BTBD1: variants seen among roughly 807,000 people sequenced by gnomAD.
The protein encoded by BTBD1 is BTB domain containing 1, also known as BTB/POZ domain-containing protein 1.
Under a neutral mutation model 48.0 loss-of-function variants are expected in BTBD1, and 34 were observed. The ratio of observed to expected loss-of-function variants is 0.71; its 90% CI spans 0.54 to 0.94. BTBD1 has a LOEUF of 0.94. Ranked by LOEUF, BTBD1 falls within the 40% of genes least tolerant of loss-of-function variation. The pLI, the probability that BTBD1 is intolerant of heterozygous loss-of-function variation, is 0.00. For synonymous variants in BTBD1, 261 were observed against 242.1 expected (o/e 1.08, Z -0.72); for missense variants, 543 against 625.6 (o/e 0.87, Z 1.41).
At chr15:83,034,305 C>G (rs571793695) in intron 4 of BTBD1, among the ~76,000 whole-genome samples, 8 of 152,178 alleles carry the variant, frequency 5.3e-5, no homozygotes, top group Non-Finnish European at 1.0e-4. Context: ...AGAAACTATA[C>G]CAATATCAGA....
intron 3 of BTBD1, chr15:83,044,695 T>G (rs1328838408): frequency 9.4e-5 from 140 of 1,483,188 alleles, no homozygotes; most frequent in Non-Finnish European, 1.2e-4. Context: ...ACAAGAAAAC[T>G]GAAAGATGGG....
chr15:83,020,825 A>G, intron 5 of BTBD1, 63 bp from the exon 6 acceptor site: 1 of 1,091,046 alleles, frequency 9.2e-7, no homozygotes, highest in South Asian at 1.4e-5. Flanking sequence ...CTGAAGGGTT[A>G]TAATTTTTTT....
chr15:83,049,267 T>C (rs906573662), intron 3 of BTBD1, among the ~76,000 whole-genome samples: 4 of 152,070 alleles, frequency 2.6e-5, no homozygotes, highest in Non-Finnish European at 2.9e-5. Context: ...AGAACCTAAA[T>C]GCACATCTTT....
At chr15:83,032,863 TAAG>T in intron 4 of BTBD1, among the ~76,000 whole-genome samples, 1 of 147,950 alleles carries the variant, frequency 6.8e-6, no homozygotes, top group Admixed American at 6.9e-5. Flanking sequence ...TCCTAGCTAC[TAAG>T]GAGGCTGAGG....
intron 7 of BTBD1, 149 bp from the exon 8 acceptor site, chr15:83,018,374 T>C: frequency 1.4e-6 from 1 of 710,548 alleles, no homozygotes; most frequent in Non-Finnish European, 2.1e-6. Context: ...ATGAAGTTTT[T>C]ACCAAAAAAC....
chr15:83,059,625 C>A (rs1316657130), intron 1 of BTBD1, among the ~76,000 whole-genome samples: 1 of 152,202 alleles, frequency 6.6e-6, no homozygotes, highest in East Asian at 1.9e-4. Flanking sequence ...CATTGTCACT[C>A]CGGGTGGAGA....
At chr15:83,045,510 C>T (rs974436608) in intron 3 of BTBD1, among the ~76,000 whole-genome samples, 4 of 151,156 alleles carry the variant, frequency 2.6e-5, no homozygotes, top group African/African-American at 9.9e-5. Context: ...AAAAAACAAA[C>T]AAACAAACAA....
Position 83,039,186 on chromosome 15 carries a change from GA to G in BTBD1, c.862+2541del, listed in dbSNP as rs997410932. On this transcript the variant is annotated intron_variant, in intron 4 of 7. Transcript: ENST00000261721. ...ACAGGGAATTTTAACAATTCAATAA[GA>G]AAAAAAAAACTCATAAAAAGTGGGC... Among the ~76,000 whole-genome samples, 13 of 143,836 alleles carry G rather than the reference GA, an allele frequency of 9.0e-5. 1 individual carries two copies. The East Asian group carries it at 1.0e-3, about 11-fold the overall frequency. The allele number at this position is 143,836 out of a possible 152,430, so 94.4% of individuals were successfully genotyped here.
intron 4 of BTBD1, among the ~76,000 whole-genome samples, chr15:83,037,214 G>T (rs1252956368): frequency 6.6e-6 from 1 of 151,824 alleles, no homozygotes; most frequent in Non-Finnish European, 1.5e-5. Flanking sequence ...AACAACAAAA[G>T]ACATGAATAA....
chr15:83,020,672 T>C lies in BTBD1; in HGVS notation c.1143+3A>G. The C allele has an allele frequency of 6.4e-7, 1 of 1,562,850 alleles. No homozygotes were observed. The highest frequency in any genetic ancestry group is 2.2e-5 in the East Asian group (1 of 44,476). ...TGATATATGGTGGGGGAGGAAACTG[T>C]ACCTGTATATTCACTTGATAATCTG... On this transcript the variant is annotated splice_donor_region_variant and intron_variant, in intron 6 of 7. Coordinates refer to ENST00000261721, the MANE Select transcript of BTBD1 (RefSeq NM_025238.4).
At chr15:83,034,852 G>C (rs1270721385) in intron 4 of BTBD1, among the ~76,000 whole-genome samples, 2 of 152,150 alleles carry the variant, frequency 1.3e-5, no homozygotes, top group African/African-American at 4.8e-5. Context: ...TCAATAGATA[G>C]ATACATAGAA....
Position 83,023,661 on chromosome 15 carries a change from A to G in BTBD1, c.1056-2899T>C, listed in dbSNP as rs146478315. 2.7e-3 allele frequency among the ~76,000 whole-genome samples: 418 copies of G among 152,214 alleles called. 3 individuals carry two copies. The highest frequency in any genetic ancestry group is 9.7e-3 in the African/African-American group (401 of 41,506). On this transcript the variant is annotated intron_variant, in intron 5 of 7. Transcript: ENST00000261721. ...TGCCTTGGCCTCCCAAAATGTTTTG[A>G]TTACAGGTGTGAGCCACCACACCCA... is the stretch of plus-strand genomic sequence containing the variant.
At chr15:83,043,279 T>C (rs1029051178) in intron 3 of BTBD1, among the ~76,000 whole-genome samples, 3 of 152,144 alleles carry the variant, frequency 2.0e-5, no homozygotes, top group Admixed American at 2.0e-4. Context: ...AAGGCTCTCA[T>C]ATTAAAGTGT....
intron 5 of BTBD1, among the ~76,000 whole-genome samples, chr15:83,022,926 C>A (rs2032329800): frequency 6.7e-6 from 1 of 149,876 alleles, no homozygotes; most frequent in Admixed American, 6.6e-5. Flanking sequence ...CACCACTGCA[C>A]TCCAGCCTGG....
chr15:83,030,244 T>G lies in BTBD1; in HGVS notation c.947A>C (p.Glu316Ala). ...ACAGCATCTTGGTCGGTCAATGTAT[T>G]CAACTCGGGGTTTAGGGTTGACAGT... ...HFTVNPKPRV[E>A]YIDRPRCCLR... is the part of the protein sequence containing the mutation. Residue 316 changes from glutamate to alanine, a missense_variant, in exon 5 of 8, where the codon GAA becomes GCA. Physicochemically the swap from Glu to Ala is moderately radical, Grantham distance 107 (BLOSUM62 -1). This residue lies in a region of BTBD1 where 300 missense variants were observed against 350.0 expected (regional missense o/e 0.86). Coordinates refer to ENST00000261721, the MANE Select transcript of BTBD1 (RefSeq NM_025238.4). 1 of 1,614,098 alleles carries G rather than the reference T, an allele frequency of 6.2e-7. No individual in the cohort carries two copies. Among genetic ancestry groups the G allele is most frequent in the Non-Finnish European group, 8.5e-7 (1 of 1,180,008 alleles).
At chr15:83,050,015 G>T (rs561433969) in intron 3 of BTBD1, 58 bp downstream of exon 3, 3 of 1,021,048 alleles carry the variant, frequency 2.9e-6, no homozygotes, top group Admixed American at 1.9e-5. Context: ...CAACAAGGCT[G>T]ACAAGTAAGG....
intron 4 of BTBD1, among the ~76,000 whole-genome samples, chr15:83,034,201 A>AT (rs1348642478): frequency 1.3e-5 from 2 of 152,116 alleles, no homozygotes; most frequent in Non-Finnish European, 2.9e-5. Flanking sequence ...GTCAGACTGA[A>AT]TTTTTTAAAA....
intron 4 of BTBD1, among the ~76,000 whole-genome samples, chr15:83,031,004 T>C (rs920783987): frequency 6.6e-6 from 1 of 152,210 alleles, no homozygotes; most frequent in African/African-American, 2.4e-5. Flanking sequence ...GCATGTGTCT[T>C]TATAGCAGCA....
chr15:83,018,115 G>A lies in BTBD1; in HGVS notation c.1401C>T (p.Gly467=). 6.2e-7 allele frequency: 1 copy of A among 1,610,362 alleles called. No homozygotes were observed. Among genetic ancestry groups the A allele is most frequent in the Non-Finnish European group, 8.5e-7 (1 of 1,177,832 alleles). The change falls in exon 8 of 8, where the codon GGC becomes GGT. Residue 467 remains glycine (G), a synonymous_variant. Coordinates refer to ENST00000261721, the MANE Select transcript of BTBD1 (RefSeq NM_025238.4). The part of the protein sequence containing the change: ...FFFSSPGNNN[G]TSIEDGQIPE... ...GAATTTGTCCATCTTCTATTGAAGT[G>A]CCATTATTATTGCCAGGGGAACTAA...
Sources: gnomAD v4.1 joint callset for allele counts (sites outside exome capture counted in the v4.1 genomes callset) on GRCh38, gnomAD v4.1.1 for gene constraint, gnomAD v4.1.1 regional missense constraint, MANE v1.5 for transcripts, NCBI Gene and HGNC (gene_info 2026-07-23, HGNC 2026-07-21) for gene names.